Variants in PRDM4 observed in about 807,000 individuals in gnomAD.
PRDM4 encodes PR/SET domain 4.
In PRDM4, 38 loss-of-function variants were observed where a neutral mutation model predicts 62.3. The ratio of observed to expected loss-of-function variants is 0.61; its 90% CI spans 0.47 to 0.80. The LOEUF (loss-of-function observed/expected upper bound fraction) is 0.80. PRDM4 is among the 30% of genes least tolerant of loss of function. PRDM4 has a pLI of 0.00. For synonymous variants in PRDM4, 339 were observed against 348.2 expected (o/e 0.97, Z 0.30); for missense variants, 858 against 997.1 (o/e 0.86, Z 1.88).
intron 5 of PRDM4, 85 bp downstream of exon 5, chr12:107,751,330 A>T: frequency 7.2e-7 from 1 of 1,380,538 alleles, no homozygotes; most frequent in Non-Finnish European, 9.9e-7. Flanking sequence ...ATACTCCCTT[A>T]ATGCCAAACT....
chr12:107,750,425 T>C (rs550289459), intron 5 of PRDM4, among the ~76,000 whole-genome samples: 108 of 152,180 alleles, frequency 7.1e-4, no homozygotes, highest in Non-Finnish European at 1.3e-3. Context: ...ACACTTGGGG[T>C]CCCAGTTGCT....
chr12:107,736,691 G>C (rs1347867089), intron 11 of PRDM4: 1 of 152,234 alleles, frequency 6.6e-6, no homozygotes, highest in Non-Finnish European at 1.5e-5. Flanking sequence ...ACAGAAAACT[G>C]TGTGTATGTG....
chr12:107,752,317 C>A, intron 4 of PRDM4, 108 bp from the exon 5 acceptor site: 1 of 794,278 alleles, frequency 1.3e-6, no homozygotes, highest in South Asian at 1.8e-5. Context: ...AAATAATCTC[C>A]TGCTTCTTTA....
chr12:107,738,535 T>G (rs1890408019), intron 11 of PRDM4: 1 of 152,232 alleles, frequency 6.6e-6, no homozygotes, highest in African/African-American at 2.4e-5. Context: ...TGAAAACATT[T>G]TCTTCCTCTT....
At chr12:107,736,261 TCA>T (rs1890326213) in intron 11 of PRDM4, among the ~76,000 whole-genome samples, 1 of 152,204 alleles carries the variant, frequency 6.6e-6, no homozygotes, top group Non-Finnish European at 1.5e-5. Context: ...TAACGTGGTA[TCA>T]TATAGCAATA....
intron 7 of PRDM4, among the ~76,000 whole-genome samples, chr12:107,743,774 A>G (rs2136316136): frequency 6.6e-6 from 1 of 152,318 alleles, no homozygotes; most frequent in South Asian, 2.1e-4. Context: ...ATCATTCCCA[A>G]TAGATATCTA....
chr12:107,753,170 G>A (rs772765100), intron 4 of PRDM4, among the ~76,000 whole-genome samples: 9 of 152,132 alleles, frequency 5.9e-5, no homozygotes, highest in East Asian at 1.9e-4. Context: ...GCAGGAGTTC[G>A]AGACCAGCCT....
chr12:107,752,662 CA>C (rs1024358027), intron 4 of PRDM4, among the ~76,000 whole-genome samples: 6 of 150,782 alleles, frequency 4.0e-5, no homozygotes, highest in African/African-American at 7.3e-5. Flanking sequence ...TTTATTAAAA[CA>C]AAAAAAAATT....
At chr12:107,746,588 G>A (rs757238888) in intron 5 of PRDM4, among the ~76,000 whole-genome samples, 164 bp from the exon 6 acceptor site, 25 of 151,824 alleles carry the variant, frequency 1.6e-4, no homozygotes, top group Non-Finnish European at 2.9e-4. Flanking sequence ...GGGTATAAGC[G>A]ATTCTCCTGT....
chr12:107,741,031 C>A lies in PRDM4; in HGVS notation c.1839G>T (p.Met613Ile), dbSNP rs756197936. ...SKLHVHFMGH[M>I]GMKPHKCDFC... ...AATCACACTTGTGGGGCTTCATACCCATGTGACCCATAAAGTGGACATGAA... is the reference window on the plus strand; with the variant it reads ...AATCACACTTGTGGGGCTTCATACCAATGTGACCCATAAAGTGGACATGAA... Residue 613 changes from methionine (M) to isoleucine (I), a missense_variant, in exon 10 of 12, where the codon ATG (methionine) becomes ATT (isoleucine). By Grantham distance (10) the Met-to-Ile change is conservative (BLOSUM62 1). Around this residue, in one of 3 missense-constraint regions of PRDM4, gnomAD observed 355 missense variants for 432.6 expected, o/e 0.82. Transcript: ENST00000228437. 6.2e-7 allele frequency: 1 copy of A among 1,614,180 alleles called. No homozygotes were observed. The highest frequency in any genetic ancestry group is 1.1e-5 in the South Asian group (1 of 91,084).
chr12:107,749,965 C>T (rs1890838025), intron 5 of PRDM4, among the ~76,000 whole-genome samples: 1 of 152,178 alleles, frequency 6.6e-6, no homozygotes, highest in African/African-American at 2.4e-5. Context: ...TCCTGTCTTC[C>T]TGACTCTCAA....
rs1192347020 is a variant in PRDM4, at chr12:107,734,216, A to G, written c.2400T>C (p.His800=). Residue 800 remains histidine, a synonymous_variant, in exon 12 of 12, where the codon CAT becomes CAC. Coordinates refer to ENST00000228437, the MANE Select transcript of PRDM4 (RefSeq NM_012406.4). ...TTGCTTGTTTCTTTTCCTTTTATTT[A>G]TGTGCAGAAAGAGACTCATCCGCTG... ...VYSADESLSA[H]K 19 of 1,576,942 alleles carry G rather than the reference A, an allele frequency of 1.2e-5. No homozygotes were observed. The highest frequency in any genetic ancestry group is 1.5e-5 in the Non-Finnish European group (18 of 1,164,214).
chr12:107,758,974 TATAAA>T (rs1891145562), intron 2 of PRDM4, among the ~76,000 whole-genome samples: 1 of 152,238 alleles, frequency 6.6e-6, no homozygotes, highest in African/African-American at 2.4e-5. Context: ...TTTATTATGC[TATAAA>T]ATAAAGCAGC....
chr12:107,747,537 T>C (rs1439112433), intron 5 of PRDM4, among the ~76,000 whole-genome samples: 1 of 152,208 alleles, frequency 6.6e-6, no homozygotes, highest in Non-Finnish European at 1.5e-5. Flanking sequence ...CTTAATTTCT[T>C]ATTTTTCATA....
At chr12:107,742,502 G>A (rs1455458451) in intron 8 of PRDM4, 154 bp from the exon 9 acceptor site, 5 of 821,740 alleles carry the variant, frequency 6.1e-6, no homozygotes, top group Non-Finnish European at 9.5e-6. Context: ...CTATCTATGA[G>A]AAGGCAGTTG....
intron 10 of PRDM4, among the ~76,000 whole-genome samples, chr12:107,739,973 C>T (rs1372202997): frequency 6.6e-6 from 1 of 151,656 alleles, no homozygotes; most frequent in African/African-American, 2.4e-5. Context: ...TATAATATTG[C>T]CTCAAAACCA....
chr12:107,743,720 A>G (rs764470270), intron 7 of PRDM4, among the ~76,000 whole-genome samples: 14 of 152,222 alleles, frequency 9.2e-5, no homozygotes, highest in South Asian at 2.1e-4. Context: ...TTACCTTTCC[A>G]AAGATCACAA....
intron 2 of PRDM4, 81 bp from the exon 3 acceptor site, chr12:107,757,046 G>C (rs984000106): frequency 1.4e-6 from 2 of 1,447,868 alleles, no homozygotes; most frequent in South Asian, 1.2e-5. Context: ...AACTGAAACA[G>C]TGGGGATGGG....
intron 4 of PRDM4, among the ~76,000 whole-genome samples, chr12:107,753,311 C>A (rs567158978): frequency 1.5e-4 from 22 of 151,198 alleles, no homozygotes; most frequent in Non-Finnish European, 2.8e-4. Flanking sequence ...GTGAGAGAAT[C>A]ACTGGAGTCC....
Sources: gnomAD v4.1 joint callset for allele counts (sites outside exome capture counted in the v4.1 genomes callset) on GRCh38, gnomAD v4.1.1 for gene constraint, gnomAD v4.1.1 regional missense constraint, MANE v1.5 for transcripts, NCBI Gene and HGNC (gene_info 2026-07-23, HGNC 2026-07-21) for gene names.